SCMH1: variants seen among roughly 807,000 people sequenced by gnomAD.
SCMH1 encodes the protein polycomb protein SCMH1.
Under a neutral mutation model 70.8 loss-of-function variants are expected in SCMH1, and 37 were observed. The observed-to-expected ratio is 0.52, with a 90% CI of 0.40 to 0.69. The LOEUF (loss-of-function observed/expected upper bound fraction) is 0.69. Ranked by LOEUF, SCMH1 falls within the 30% of genes least tolerant of loss-of-function variation. The pLI is 0.00. For synonymous variants in SCMH1, 292 were observed against 307.4 expected (o/e 0.95, Z 0.52); for missense variants, 607 against 827.3 (o/e 0.73, Z 3.27).
At chr1:41,189,875 A>G (rs531810802) in intron 1 of SCMH1, among the ~76,000 whole-genome samples, 4 of 152,244 alleles carry the variant, frequency 2.6e-5, no homozygotes, top group South Asian at 4.1e-4. Context: ...CTTTCCAGAA[A>G]CTTGCAGAGG....
At chr1:41,147,642 A>G (rs1644708718) in intron 5 of SCMH1, among the ~76,000 whole-genome samples, 1 of 152,076 alleles carries the variant, frequency 6.6e-6, no homozygotes, top group Non-Finnish European at 1.5e-5. Context: ...AGGAGTATTA[A>G]AAGTCTGACT....
exon 9 of SCMH1, chr1:41,075,359 G>A: frequency 1.9e-6 from 3 of 1,614,102 alleles, no homozygotes; most frequent in Non-Finnish European, 2.5e-6. Flanking sequence ...CTCTGCCCTG[G>A]TTGATGTTCC....
chr1:41,050,095 C>T (rs1647520284), intron 10 of SCMH1, among the ~76,000 whole-genome samples: 1 of 151,958 alleles, frequency 6.6e-6, no homozygotes, highest in Non-Finnish European at 1.5e-5. Context: ...CCCAAGACGG[C>T]TAAGCACTCT....
chr1:41,177,650 T>G (rs1647356137), intron 2 of SCMH1, among the ~76,000 whole-genome samples: 1 of 151,824 alleles, frequency 6.6e-6, no homozygotes, highest in African/African-American at 2.4e-5. Flanking sequence ...TGATGGAAGA[T>G]CAAATGAATG....
intron 1 of SCMH1, among the ~76,000 whole-genome samples, chr1:41,235,395 A>G (rs951691955): frequency 1.3e-5 from 2 of 151,578 alleles, no homozygotes; most frequent in African/African-American, 4.9e-5. Context: ...ACATGGTGAA[A>G]CCCCGTCTCT....
At chr1:41,186,885 T>C (rs1486223224) in intron 1 of SCMH1, among the ~76,000 whole-genome samples, 2 of 152,108 alleles carry the variant, frequency 1.3e-5, no homozygotes, top group East Asian at 3.9e-4. Flanking sequence ...CCCCCAGAAC[T>C]TTGAGGATAT....
At chr1:41,092,118 A>G (rs1663730762) in intron 8 of SCMH1, among the ~76,000 whole-genome samples, 1 of 152,244 alleles carries the variant, frequency 6.6e-6, no homozygotes. Flanking sequence ...CCTGACTTCA[A>G]ACAATACTAC....
rs188057257 is a variant in SCMH1, at chr1:41,084,141, T to G, written c.746-8690A>C. On this transcript the variant is annotated intron_variant, in intron 8 of 14. Transcript: ENST00000337495. ...ATTGACAAGTGGGATCAAATTAAACTAAAGAGCTTCTGCACAGCAAAAGAG... is the reference window on the plus strand; with the variant it reads ...ATTGACAAGTGGGATCAAATTAAACGAAAGAGCTTCTGCACAGCAAAAGAG... Among the ~76,000 whole-genome samples, 971 of 152,228 alleles carry G rather than the reference T, an allele frequency of 6.4e-3. 15 individuals are homozygous for G. The highest frequency in any genetic ancestry group is 0.023 in the African/African-American group (935 of 41,536).
intron 2 of SCMH1, among the ~76,000 whole-genome samples, chr1:41,175,759 A>C (rs1404878772): frequency 6.6e-6 from 1 of 151,804 alleles, no homozygotes; most frequent in African/African-American, 2.4e-5. Context: ...CCAGTGTCCC[A>C]CTCCAAGTGT....
intron 1 of SCMH1, among the ~76,000 whole-genome samples, chr1:41,193,826 G>C (rs948388841): frequency 6.6e-6 from 1 of 152,074 alleles, no homozygotes; most frequent in Non-Finnish European, 1.5e-5. Flanking sequence ...GAGGACTCTG[G>C]TATCATCCCA....
chr1:41,184,723 A>T (rs373216233), intron 2 of SCMH1, among the ~76,000 whole-genome samples: 4 of 152,250 alleles, frequency 2.6e-5, no homozygotes, highest in African/African-American at 9.6e-5. Flanking sequence ...ATGTACAAGC[A>T]GAAAGGCTGA....
At chr1:41,060,019 A>C (rs6666928) in intron 10 of SCMH1, among the ~76,000 whole-genome samples, 19,469 of 150,722 alleles carry the variant, frequency 0.13, 1,649 homozygotes, top group Middle Eastern at 0.28. Flanking sequence ...AAAAAAAAAA[A>C]CCATAACAGA....
chr1:41,053,115 A>G (rs1247168032), intron 10 of SCMH1, among the ~76,000 whole-genome samples: 2 of 5,194 alleles, frequency 3.9e-4, no homozygotes, highest in African/African-American at 0.016. Flanking sequence ...ATGGGGTTTC[A>G]CCATTGATCT....
At chr1:41,199,170 C>A (rs1203179686) in intron 1 of SCMH1, among the ~76,000 whole-genome samples, 2 of 152,158 alleles carry the variant, frequency 1.3e-5, no homozygotes, top group East Asian at 3.8e-4. Context: ...TATTATTAAA[C>A]TATAACATTA....
chr1:41,235,290 A>G (rs1662133695), intron 1 of SCMH1, among the ~76,000 whole-genome samples: 1 of 152,104 alleles, frequency 6.6e-6, no homozygotes, highest in African/African-American at 2.4e-5. Context: ...TATGCTCATA[A>G]CAAGAGTGGA....
intron 2 of SCMH1, among the ~76,000 whole-genome samples, chr1:41,175,271 A>C (rs1572840669): frequency 1.3e-5 from 2 of 152,346 alleles, no homozygotes; most frequent in South Asian, 4.1e-4. Context: ...TTCTTGAGCT[A>C]GGACATCCAT....
intron 10 of SCMH1, among the ~76,000 whole-genome samples, chr1:41,067,316 C>A (rs1571731011): frequency 6.6e-6 from 1 of 151,654 alleles, no homozygotes; most frequent in African/African-American, 2.4e-5. Context: ...TGGTGGCGGG[C>A]GCCTGTGGTC....
rs550473979 is a variant in SCMH1, at chr1:41,176,735, G to C, written c.13+9386C>G. Among the ~76,000 whole-genome samples the C allele has an allele frequency of 1.9e-3, 291 of 152,326 alleles. 2 individuals are homozygous for C. Among genetic ancestry groups the C allele is most frequent in the African/African-American group, 6.7e-3 (280 of 41,578 alleles). On this transcript the variant is annotated intron_variant, in intron 2 of 14. Coordinates refer to ENST00000337495, the Ensembl canonical transcript of SCMH1. ...CCCGCCATTGCTGAGGCTTGAGTAAGTAAAAAAAGTGGCCAGGAAGCTCGA... is the reference window on the plus strand; with the variant it reads ...CCCGCCATTGCTGAGGCTTGAGTAACTAAAAAAAGTGGCCAGGAAGCTCGA...
chr1:41,158,432 A>G (rs2148404041), intron 4 of SCMH1, among the ~76,000 whole-genome samples: 1 of 152,310 alleles, frequency 6.6e-6, no homozygotes, highest in East Asian at 1.9e-4. Flanking sequence ...AGAAAGCTCT[A>G]GGCTTCTAAG....
Sources: gnomAD v4.1 joint callset for allele counts (sites outside exome capture counted in the v4.1 genomes callset) on GRCh38, gnomAD v4.1.1 for gene constraint, MANE v1.5 for transcripts, NCBI Gene and HGNC (gene_info 2026-07-23, HGNC 2026-07-21) for gene names.